The following PLA2G4F variants were observed in gnomAD, a reference collection of about 807,000 sequenced individuals.
PLA2G4F encodes cytosolic phospholipase A2 zeta.
A neutral mutation model predicts 103.1 loss-of-function variants in PLA2G4F; 105 were observed. The observed-to-expected ratio is 1.02, with a 90% CI of 0.87 to 1.20. The LOEUF (loss-of-function observed/expected upper bound fraction) is 1.20, where lower values mean the gene tolerates loss of function less well. Among genes scored for constraint, PLA2G4F ranks in the 50% most tolerant of loss-of-function variants. PLA2G4F has a pLI of 0.00. For missense variants in PLA2G4F, 1,155 were observed against 1,075.9 expected (o/e 1.07, Z -1.03); for synonymous variants, 468 against 441.1 (o/e 1.06, Z -0.76).
At chr15:42,150,543 A>G (rs73403545) in intron 8 of PLA2G4F, 57 bp from the exon 9 acceptor site, 133,254 of 1,597,292 alleles carry the variant, frequency 0.083, 11,998 homozygotes, top group African/African-American at 0.43. Context: ...GTCTCCCCCA[A>G]CGTGGCCCTG....
chr15:42,148,051 C>T (rs1480667843), intron 11 of PLA2G4F, among the ~76,000 whole-genome samples: 1 of 152,072 alleles, frequency 6.6e-6, no homozygotes, highest in Non-Finnish European at 1.5e-5. Flanking sequence ...TGGTGGTGGG[C>T]GCCTGCCTGT....
chr15:42,144,238 T>C (rs1272657593), intron 17 of PLA2G4F, 94 bp from the exon 18 acceptor site: 29 of 1,463,430 alleles, frequency 2.0e-5, no homozygotes, highest in Non-Finnish European at 2.6e-5. Context: ...CTTCTCTCTG[T>C]AGAGTTCTCT....
chr15:42,154,913 G>T (rs963659993), intron 2 of PLA2G4F, among the ~76,000 whole-genome samples: 2 of 152,008 alleles, frequency 1.3e-5, no homozygotes, highest in African/African-American at 4.8e-5. Context: ...TCCATGGTCA[G>T]CACCAGTCCC....
At chr15:42,151,489 C>T (rs1390559674) in intron 7 of PLA2G4F, 7 of 985,034 alleles carry the variant, frequency 7.1e-6, no homozygotes, top group Middle Eastern at 5.2e-4. Context: ...CAGAGGGGGC[C>T]GCAGACAGCC....
chr15:42,147,574 C>G, intron 12 of PLA2G4F, 52 bp downstream of exon 12: 1 of 1,594,934 alleles, frequency 6.3e-7, no homozygotes, highest in South Asian at 1.1e-5. Flanking sequence ...GGTCACAACC[C>G]CACACTTTGT....
intron 11 of PLA2G4F, chr15:42,148,519 C>T (rs1437372337): frequency 1.2e-6 from 1 of 800,192 alleles, no homozygotes; most frequent in Non-Finnish European, 1.5e-6. Context: ...AGCAGCCTCC[C>T]TCCACCTCCC....
chr15:42,147,794 C>T (rs998165505), intron 11 of PLA2G4F, 32 bp from the exon 12 acceptor site: 15 of 1,610,410 alleles, frequency 9.3e-6, no homozygotes, highest in African/African-American at 2.7e-5. Flanking sequence ...ATAACGACTC[C>T]GACTACCACC....
intron 12 of PLA2G4F, 88 bp from the exon 13 acceptor site, chr15:42,147,434 C>T: frequency 2.8e-6 from 4 of 1,426,438 alleles, no homozygotes; most frequent in East Asian, 4.6e-5. Context: ...GCCCTCCACC[C>T]CCACCACTTG....
At position 42,145,784 on chromosome 15, in the gene PLA2G4F, G is replaced by C. The variant is rs531270542; in HGVS notation, c.1654C>G (p.Arg552Gly). The change falls in exon 15 of 20, where the codon CGG (arginine) becomes GGG (glycine). Residue 552 changes from arginine (R) to glycine (G), a missense_variant. By Grantham distance (125) the Arg-to-Gly change is moderately radical (BLOSUM62 -2). This residue lies in a region of PLA2G4F where 782 missense variants were observed against 692.9 expected (regional missense o/e 1.13). Transcript: ENST00000397272. ...GRLLQLQPEP[R>G]ICYLQGMWGS... Reference sequence around the variant, plus strand: ...GACTCACCTTGCAGGTAACAGATCCGGGGTTCAGGCTGGAGCTGCAGCAAT... The same window carrying C: ...GACTCACCTTGCAGGTAACAGATCCCGGGTTCAGGCTGGAGCTGCAGCAAT... 5 of 1,614,116 alleles carry C rather than the reference G, an allele frequency of 3.1e-6. No homozygotes were observed. The highest frequency in any genetic ancestry group is 2.2e-5 in the South Asian group (2 of 91,084).
intron 12 of PLA2G4F, 62 bp downstream of exon 12, chr15:42,147,564 G>C: frequency 1.3e-6 from 2 of 1,576,770 alleles, no homozygotes; most frequent in Non-Finnish European, 1.7e-6. Flanking sequence ...AAGATCACCA[G>C]GTCACAACCC....
Position 42,154,129 on chromosome 15 carries a change from C to G in PLA2G4F, c.413G>C (p.Gly138Ala), listed in dbSNP as rs2048987544. Residue 138 changes from glycine to alanine, a missense_variant, in exon 4 of 20, where the codon GGC (glycine) becomes GCC (alanine). Around this residue, in one of 3 missense-constraint regions of PLA2G4F, gnomAD observed 370 missense variants for 364.9 expected, o/e 1.01. Transcript: ENST00000397272. ...LLFDLRSLKCGQPHKHTFPLN... is the reference protein window; with the variant it reads ...LLFDLRSLKCAQPHKHTFPLN... ...TGGGAAGGTGTGTTTGTGAGGTTGG[C>G]CACACTTGAGGCTTCTCAGGTCAAA... The G allele has an allele frequency of 1.2e-6, 2 of 1,614,158 alleles. No individual in the cohort carries two copies. Among genetic ancestry groups the G allele is most frequent in the Non-Finnish European group, 1.7e-6 (2 of 1,180,024 alleles).
In PLA2G4F at chr15:42,156,504, G is replaced by T; in HGVS notation, c.46C>A (p.Pro16Thr). ...TGAAGCAGCACTGCCCCCAGGAGGG[G>T]CAGCATCTTGTCTGCCAGCCACCTT... Reference protein sequence around the residue: ...WPRWLADKMLPLLGAVLLQKR... With the variant: ...WPRWLADKMLTLLGAVLLQKR... The change falls in exon 1 of 20, where the codon CCC (proline) becomes ACC (threonine). Residue 16 changes from proline (P) to threonine (T), a missense_variant. Physicochemically the swap from Pro to Thr is conservative, Grantham distance 38. Transcript: ENST00000397272. The T allele has an allele frequency of 6.4e-7, 1 of 1,560,186 alleles. No homozygotes were observed. Among genetic ancestry groups the T allele is most frequent in the Non-Finnish European group, 8.7e-7 (1 of 1,151,228 alleles).
intron 1 of PLA2G4F, 63 bp downstream of exon 1, chr15:42,156,376 A>G: frequency 2.2e-6 from 3 of 1,373,436 alleles, no homozygotes; most frequent in South Asian, 2.6e-5. Flanking sequence ...CAGTCTTCAC[A>G]GGGCACTGCA....
intron 13 of PLA2G4F, 129 bp downstream of exon 13, chr15:42,146,995 C>T: frequency 3.2e-6 from 3 of 927,682 alleles, no homozygotes; most frequent in East Asian, 2.6e-5. Flanking sequence ...CACTCCTGGC[C>T]CCAGGGGAGC....
chr15:42,153,107 C>G (rs546038588), intron 6 of PLA2G4F, among the ~76,000 whole-genome samples, 193 bp downstream of exon 6: 2 of 152,316 alleles, frequency 1.3e-5, no homozygotes, highest in Admixed American at 1.3e-4. Flanking sequence ...GAGTAGGAGG[C>G]TGAGGTCCTG....
intron 5 of PLA2G4F, 120 bp downstream of exon 5, chr15:42,153,500 C>T: frequency 1.3e-6 from 2 of 1,489,000 alleles, no homozygotes; most frequent in Non-Finnish European, 1.9e-6. Flanking sequence ...GTGTCAAGAC[C>T]AGGCCATTGC....
chr15:42,143,303 G>A (rs2677758), intron 18 of PLA2G4F, among the ~76,000 whole-genome samples: 86,491 of 151,676 alleles, frequency 0.57, 25,158 homozygotes, highest in Non-Finnish European at 0.59. Context: ...TGGTCCTCCA[G>A]GAACCACCAT....
In PLA2G4F at chr15:42,150,589, A is replaced by C. The variant is rs776826889; in HGVS notation, c.771+19T>G. ...CTGGGCTGAGTTGGATCTACCGACC[A>C]TCCTGGCGGCGCACTCACCTGCACA... is the stretch of plus-strand genomic sequence containing the variant. On this transcript the variant is annotated intron_variant, in intron 8 of 19. Coordinates refer to ENST00000397272, the MANE Select transcript of PLA2G4F (RefSeq NM_213600.4). The C allele has an allele frequency of 6.3e-7, 1 of 1,597,938 alleles. No homozygotes were observed. The highest frequency in any genetic ancestry group is 1.3e-5 in the African/African-American group (1 of 74,484).
chr15:42,144,060 G>A lies in PLA2G4F; in HGVS notation c.2060C>T (p.Ser687Phe). 1 of 1,614,084 alleles carries A rather than the reference G, an allele frequency of 6.2e-7. No homozygotes were observed. Among genetic ancestry groups the A allele is most frequent in the Non-Finnish European group, 8.5e-7 (1 of 1,179,978 alleles). Residue 687 changes from serine to phenylalanine, a missense_variant, in exon 18 of 20, where the codon TCT becomes TTT. Physicochemically the swap from Ser to Phe is radical, Grantham distance 155. Around this residue, in one of 3 missense-constraint regions of PLA2G4F, gnomAD observed 782 missense variants for 692.9 expected, o/e 1.13. Coordinates refer to ENST00000397272, the MANE Select transcript of PLA2G4F (RefSeq NM_213600.4). ...AGGCAGCAGAGCCAGTGGGAACGGA[G>A]AGTTGATGGCAAAGCCTCCGTCCAC... is the stretch of plus-strand genomic sequence containing the variant. The part of the protein sequence containing the change: ...YLVDGGFAIN[S>F]PFPLALLPQR...
Sources: gnomAD v4.1 joint callset for allele counts (sites outside exome capture counted in the v4.1 genomes callset) on GRCh38, gnomAD v4.1.1 for gene constraint, gnomAD v4.1.1 regional missense constraint, MANE v1.5 for transcripts, NCBI Gene and HGNC (gene_info 2026-07-23, HGNC 2026-07-21) for gene names.